The following GAS2L3 variants were observed in gnomAD, a reference collection of about 807,000 sequenced individuals.
GAS2L3 encodes GAS2-like protein 3.
A neutral mutation model predicts 37.0 loss-of-function variants in GAS2L3; 28 were observed. That is an observed-to-expected ratio of 0.76 (90% CI 0.56 to 1.04). GAS2L3 has a LOEUF of 1.04. Among genes scored for constraint, GAS2L3 ranks in the 50% least tolerant of loss-of-function variants. GAS2L3 has a pLI of 0.00. For synonymous variants in GAS2L3, 290 were observed against 296.6 expected, an observed-to-expected ratio of 0.98 and a Z score of 0.23; for missense variants, 793 against 817.6, an observed-to-expected ratio of 0.97 and a Z score of 0.37.
intron 5 of GAS2L3, among the ~76,000 whole-genome samples, chr12:100,610,136 T>C (rs1468576619): frequency 6.6e-6 from 1 of 152,268 alleles, no homozygotes; most frequent in Non-Finnish European, 1.5e-5. Context: ...CTAAAGCACA[T>C]CTTTTGATAC....
At chr12:100,600,064 A>C (rs970643474) in intron 3 of GAS2L3, among the ~76,000 whole-genome samples, 1 of 152,154 alleles carries the variant, frequency 6.6e-6, no homozygotes, top group African/African-American at 2.4e-5. Flanking sequence ...TCTGCAATAC[A>C]TAAAATTAAA....
Position 100,578,888 on chromosome 12 carries a change from G to A in GAS2L3, c.-152+5103G>A, listed in dbSNP as rs990821034. Reference sequence around the variant, plus strand: ...CTTTTTCTACCCAAATATGGGAGGTGTGGAAAGCCACATTTACCAGCTCCC... The same window carrying A: ...CTTTTTCTACCCAAATATGGGAGGTATGGAAAGCCACATTTACCAGCTCCC... On this transcript the variant is annotated intron_variant, in intron 1 of 9. Coordinates refer to ENST00000547754, the MANE Select transcript of GAS2L3 (RefSeq NM_174942.3). 47 of 828,190 alleles carry A rather than the reference G, an allele frequency of 5.7e-5. 1 individual carries two copies. In the African/African-American group the frequency reaches 7.7e-4, roughly 14 times the overall value. The allele number at this position is 828,190 out of a possible 1,614,324, so 51.3% of individuals were successfully genotyped here.
chr12:100,623,918 T>C lies in GAS2L3; in HGVS notation c.1113T>C (p.Ser371=). The C allele has an allele frequency of 1.2e-6, 2 of 1,614,174 alleles. No homozygotes were observed. The highest frequency in any genetic ancestry group is 1.7e-6 in the Non-Finnish European group (2 of 1,180,026). Residue 371 remains serine (S), a synonymous_variant, in exon 10 of 10, where the codon TCT becomes TCC. Coordinates refer to ENST00000547754, the MANE Select transcript of GAS2L3 (RefSeq NM_174942.3). ...GGNLGSMSVR[S]KLPNSPAASS... ...ATCTGGGCTCTATGTCAGTCCGTTC[T>C]AAATTGCCAAATTCTCCAGCAGCAT...
At chr12:100,577,869 G>A (rs1175720387) in intron 1 of GAS2L3, among the ~76,000 whole-genome samples, 3 of 152,220 alleles carry the variant, frequency 2.0e-5, no homozygotes, top group Non-Finnish European at 4.4e-5. Context: ...AGACCTAGAG[G>A]TGAAAGCATG....
At position 100,627,088 on chromosome 12, in the gene GAS2L3, CAAA is replaced by C. The variant is rs566899740; in HGVS notation, c.*2211_*2213del. On this transcript the variant is annotated 3_prime_UTR_variant, in exon 10 of 10. Coordinates refer to ENST00000547754, the MANE Select transcript of GAS2L3 (RefSeq NM_174942.3). Reference sequence around the variant, plus strand: ...TGGGCAACAGAGTGAGACTCTGTCTCAAAAAAAAAAAAAAAGAAAAAGAAAAGA... The same window carrying C: ...TGGGCAACAGAGTGAGACTCTGTCTCAAAAAAAAAAAAGAAAAAGAAAAGA... 4.9e-5 allele frequency among the ~76,000 whole-genome samples: 4 copies of C among 81,574 alleles called. No individual in the cohort carries two copies. The highest frequency in any genetic ancestry group is 5.2e-5 in the Non-Finnish European group (2 of 38,240). The allele number at this position is 81,574 out of a possible 152,430, so 53.5% of individuals were successfully genotyped here. A position where few individuals can be genotyped will look rare whatever the true frequency, so the allele number is the denominator to read the frequency against.
chr12:100,588,746 C>T (rs532700139), intron 1 of GAS2L3, among the ~76,000 whole-genome samples: 2 of 152,134 alleles, frequency 1.3e-5, no homozygotes, highest in African/African-American at 4.8e-5. Context: ...AGACCTCCCC[C>T]CAGGAACGTA....
rs1408716349 is a variant in GAS2L3, at chr12:100,603,448, G to C, written c.303+1695G>C. 2.0e-5 allele frequency among the ~76,000 whole-genome samples: 3 copies of C among 152,226 alleles called. No individual in the cohort carries two copies. In the East Asian group the frequency reaches 5.8e-4, roughly 29 times the overall value. ...CCATTTGTGTGTCTTTTTGAGAAAT[G>C]TCTATTCAAATCTTTTGCCCATTTT... On this transcript the variant is annotated intron_variant, in intron 5 of 9. Coordinates refer to ENST00000547754, the MANE Select transcript of GAS2L3 (RefSeq NM_174942.3).
At chr12:100,576,481 A>C (rs1363314448) in intron 1 of GAS2L3, among the ~76,000 whole-genome samples, 1 of 152,200 alleles carries the variant, frequency 6.6e-6, no homozygotes, top group Non-Finnish European at 1.5e-5. Flanking sequence ...TGAGTCATGC[A>C]ATGGACATAG....
At chr12:100,579,438 G>C in intron 1 of GAS2L3, 1 of 941,106 alleles carries the variant, frequency 1.1e-6, no homozygotes, top group South Asian at 1.4e-5. Flanking sequence ...GTTGTCAGCA[G>C]ACTTGTTTAC....
At chr12:100,599,462 A>G (rs1021387097) in intron 3 of GAS2L3, among the ~76,000 whole-genome samples, 3 of 152,194 alleles carry the variant, frequency 2.0e-5, no homozygotes, top group Admixed American at 2.0e-4. Context: ...CTACGCAGTT[A>G]CTTATATAAC....
rs1447335365 is a variant in GAS2L3 at position 100,623,765 on chromosome 12, G to T, written c.960G>T (p.Leu320Phe). ...RTPQPPEMNP[L>F]SAVNMFQKQN... ...CTCAGCCTCCTGAAATGAATCCTTTGTCAGCAGTTAACATGTTTCAGAAAC... is the reference window on the plus strand; with the variant it reads ...CTCAGCCTCCTGAAATGAATCCTTTTTCAGCAGTTAACATGTTTCAGAAAC... Residue 320 changes from leucine to phenylalanine, a missense_variant, in exon 10 of 10, where the codon TTG becomes TTT. Leu to Phe is a conservative substitution (Grantham distance 22). Coordinates refer to ENST00000547754, the MANE Select transcript of GAS2L3 (RefSeq NM_174942.3). The T allele has an allele frequency of 1.2e-6, 2 of 1,613,994 alleles. No homozygotes were observed. Among genetic ancestry groups the T allele is most frequent in the South Asian group, 2.2e-5 (2 of 91,072 alleles).
In GAS2L3 at chr12:100,617,815, T is replaced by C; in HGVS notation, c.509+8T>C. ...TGGTCGAATTGTGTCAAGGTATGTA[T>C]TCCACAATATTTCAGAATTTCAATG... On this transcript the variant is annotated splice_region_variant and intron_variant, in intron 7 of 9. Transcript: ENST00000547754. 6.7e-7 allele frequency: 1 copy of C among 1,501,856 alleles called. No homozygotes were observed. The highest frequency in any genetic ancestry group is 9.3e-7 in the Non-Finnish European group (1 of 1,080,670). The allele number at this position is 1,501,856 out of a possible 1,614,324, so 93.0% of individuals were successfully genotyped here. A position where few individuals can be genotyped will look rare whatever the true frequency, so the allele number is the denominator to read the frequency against.
At chr12:100,609,808 C>T (rs549140696) in intron 5 of GAS2L3, among the ~76,000 whole-genome samples, 2 of 152,172 alleles carry the variant, frequency 1.3e-5, no homozygotes, top group Non-Finnish European at 2.9e-5. Flanking sequence ...AAGCCTGGTT[C>T]TGCCTTCTGC....
intron 5 of GAS2L3, among the ~76,000 whole-genome samples, chr12:100,605,165 C>CT (rs1250790190): frequency 2.5e-4 from 38 of 151,988 alleles, no homozygotes; most frequent in Non-Finnish European, 8.8e-5. Context: ...AGTAGGATTG[C>CT]TATTAGTTCT....
intron 6 of GAS2L3, among the ~76,000 whole-genome samples, chr12:100,613,637 C>T (rs1448040144): frequency 6.6e-6 from 1 of 151,544 alleles, no homozygotes; most frequent in Non-Finnish European, 1.5e-5. Flanking sequence ...CTATGTCGCC[C>T]AGGCTGGAGT....
At chr12:100,611,726 C>T (rs1350314766) in intron 5 of GAS2L3, among the ~76,000 whole-genome samples, 1 of 152,138 alleles carries the variant, frequency 6.6e-6, no homozygotes, top group African/African-American at 2.4e-5. Context: ...ACAGGCAGAG[C>T]TCAGGTGGTA....
chr12:100,598,105 T>C (rs1482491626), intron 3 of GAS2L3, among the ~76,000 whole-genome samples: 1 of 152,164 alleles, frequency 6.6e-6, no homozygotes, highest in Non-Finnish European at 1.5e-5. Context: ...TGTGTATTTC[T>C]CAAAAACAAG....
At chr12:100,622,749 TAA>T in intron 9 of GAS2L3, among the ~76,000 whole-genome samples, 983 of 26,530 alleles carry the variant, frequency 0.037, no homozygotes, top group East Asian at 0.12. Context: ...GTATCCATAG[TAA>T]AAAAAAAAAA....
chr12:100,592,714 C>A (rs1414660760), intron 2 of GAS2L3, among the ~76,000 whole-genome samples: 5 of 152,046 alleles, frequency 3.3e-5, no homozygotes, highest in African/African-American at 1.2e-4. Context: ...TTTGTATGAT[C>A]TATGCATAAG....
Sources: allele counts gnomAD v4.1 joint callset (sites outside exome capture counted in the v4.1 genomes callset), GRCh38; gene constraint gnomAD v4.1.1; transcripts MANE v1.5; gene names NCBI Gene and HGNC (gene_info 2026-07-23, HGNC 2026-07-21).